Variants in ATOSA observed in about 807,000 individuals in gnomAD.
ATOSA encodes the protein atos homolog A, also known as atos homolog protein A.
chr15:52,621,853 T>TC, the ATOSA span, among the ~76,000 whole-genome samples: 1 of 140,068 alleles, frequency 7.1e-6, no homozygotes, highest in East Asian at 3.1e-4. Context: ...ACTTACTTTT[T>TC]CTTTTTTTTT....
chr15:52,691,180 T>C, the ATOSA span, among the ~76,000 whole-genome samples: 1 of 152,132 alleles, frequency 6.6e-6, no homozygotes, highest in African/African-American at 2.4e-5. Flanking sequence ...TAGTGGAGCA[T>C]TAAGAGACTA....
chr15:52,645,615 T>C, the ATOSA span, among the ~76,000 whole-genome samples: 1 of 152,186 alleles, frequency 6.6e-6, no homozygotes, highest in Non-Finnish European at 1.5e-5. Flanking sequence ...CGAGAAAACT[T>C]ACTGGTTTCC....
chr15:52,659,947 A>T, the ATOSA span, among the ~76,000 whole-genome samples: 1 of 152,244 alleles, frequency 6.6e-6, no homozygotes, highest in Non-Finnish European at 1.5e-5. Context: ...AGGATTGGAC[A>T]CAGGACAACA....
the ATOSA span, among the ~76,000 whole-genome samples, chr15:52,645,722 C>A: frequency 0.023 from 3,525 of 152,244 alleles, 113 homozygotes; most frequent in African/African-American, 0.073. Context: ...AGTCTCAGGG[C>A]CTGAAGACTC....
the ATOSA span, among the ~76,000 whole-genome samples, chr15:52,666,608 T>C: frequency 6.6e-6 from 1 of 152,142 alleles, no homozygotes; most frequent in Non-Finnish European, 1.5e-5. Context: ...GAAAAGAGAA[T>C]GCATAACGTT....
the ATOSA span, among the ~76,000 whole-genome samples, chr15:52,672,172 C>CAAAAAAAAAAAAAAAAA: frequency 7.0e-4 from 44 of 62,576 alleles, 1 homozygote; most frequent in African/African-American, 2.7e-3. Flanking sequence ...CCCCATTTCT[C>CAAAAAAAAAAAAAAAAA]AAAAAAAAAA....
the ATOSA span, chr15:52,658,455 C>A: frequency 3.1e-6 from 1 of 322,942 alleles, no homozygotes. Context: ...ATTTGAATAC[C>A]TCAATAGTTT....
At chr15:52,690,992 T>A in the ATOSA span, among the ~76,000 whole-genome samples, 5 of 152,216 alleles carry the variant, frequency 3.3e-5, no homozygotes, top group African/African-American at 1.2e-4. Context: ...AGGATTTTAA[T>A]GTTATATTTC....
At chr15:52,604,352 A>G in the ATOSA span, among the ~76,000 whole-genome samples, 1 of 152,254 alleles carries the variant, frequency 6.6e-6, no homozygotes, top group African/African-American at 2.4e-5. Flanking sequence ...CAAGTTATAC[A>G]TTTAAATTCT....
the ATOSA span, chr15:52,629,613 C>A: frequency 5.0e-6 from 2 of 398,984 alleles, no homozygotes. Flanking sequence ...ACTAGCCTGG[C>A]CAACATGGTG....
At chr15:52,611,123 G>C in the ATOSA span, 1 of 1,608,380 alleles carries the variant, frequency 6.2e-7, no homozygotes, top group Middle Eastern at 1.7e-4. Flanking sequence ...TTTGGCCCTA[G>C]ACATACCTGT....
the ATOSA span, among the ~76,000 whole-genome samples, chr15:52,698,295 T>C: frequency 6.6e-6 from 1 of 152,104 alleles, no homozygotes; most frequent in African/African-American, 2.4e-5. Flanking sequence ...TGTAGAATTC[T>C]TATTTGTGGC....
At chr15:52,660,257 C>T in the ATOSA span, among the ~76,000 whole-genome samples, 1 of 152,202 alleles carries the variant, frequency 6.6e-6, no homozygotes, top group African/African-American at 2.4e-5. Context: ...AGTCAGATGT[C>T]ATCACCACCC....
At chr15:52,646,588 G>A in the ATOSA span, among the ~76,000 whole-genome samples, 1 of 152,080 alleles carries the variant, frequency 6.6e-6, no homozygotes, top group African/African-American at 2.4e-5. Flanking sequence ...ATCTACAAGG[G>A]TACTAATGTA....
chr15:52,679,818 T>C, the ATOSA span, among the ~76,000 whole-genome samples: 6,524 of 50,670 alleles, frequency 0.13, 737 homozygotes, highest in East Asian at 0.34. Flanking sequence ...CTTCCCCCCC[T>C]CCTCCTCCTC....
the ATOSA span, among the ~76,000 whole-genome samples, chr15:52,599,364 T>G: frequency 6.6e-6 from 1 of 152,230 alleles, no homozygotes; most frequent in Non-Finnish European, 1.5e-5. Context: ...GGAAAAGACT[T>G]ACCATGAAAT....
chr15:52,671,563 T>C, the ATOSA span, among the ~76,000 whole-genome samples: 1 of 152,164 alleles, frequency 6.6e-6, no homozygotes, highest in African/African-American at 2.4e-5. Context: ...AAAATCTAGC[T>C]GTAGAGACAG....
chr15:52,686,896 T>C, the ATOSA span, among the ~76,000 whole-genome samples: 12 of 152,244 alleles, frequency 7.9e-5, no homozygotes, highest in Admixed American at 6.5e-4. Flanking sequence ...AGCCTTCTTA[T>C]TTCAACTTGC....
chr15:52,684,247 A>G, the ATOSA span, among the ~76,000 whole-genome samples: 2 of 152,146 alleles, frequency 1.3e-5, no homozygotes, highest in Admixed American at 1.3e-4. Flanking sequence ...TTAAATATAA[A>G]TTTTCAGCTG....
Sources: gnomAD v4.1 joint callset for allele counts (sites outside exome capture counted in the v4.1 genomes callset) on GRCh38, gnomAD v4.1.1 for gene constraint, MANE v1.5 for transcripts, NCBI Gene and HGNC (gene_info 2026-07-23, HGNC 2026-07-21) for gene names.